ANKRD6: variants seen among roughly 807,000 people sequenced by gnomAD.
ANKRD6 encodes ankyrin repeat domain-containing protein 6.
Under a neutral mutation model 82.3 loss-of-function variants are expected in ANKRD6, and 56 were observed. The ratio of observed to expected loss-of-function variants is 0.68; its 90% CI spans 0.55 to 0.85. ANKRD6 has a LOEUF of 0.85. ANKRD6 is among the 40% of genes least tolerant of loss of function. The probability of loss-of-function intolerance (pLI) is 0.00; values close to 1 mark genes in which losing one functional copy is unlikely to be tolerated. For synonymous variants in ANKRD6, 347 were observed against 352.1 expected (o/e 0.99, Z 0.16); for missense variants, 852 against 907.6 (o/e 0.94, Z 0.79).
intron 9 of ANKRD6, chr6:89,619,539 C>T (rs940238184): frequency 1.3e-5 from 2 of 152,192 alleles, no homozygotes; most frequent in African/African-American, 4.8e-5. Context: ...GACCATTTCC[C>T]TGTGCAGTTC....
At chr6:89,448,054 ACT>A (rs1772326599) in intron 1 of ANKRD6, among the ~76,000 whole-genome samples, 1 of 151,494 alleles carries the variant, frequency 6.6e-6, no homozygotes, top group Admixed American at 6.6e-5. Flanking sequence ...GAATAGGCCG[ACT>A]CTGGTTAGGA....
At chr6:89,491,644 G>C (rs1025164109) in intron 1 of ANKRD6, among the ~76,000 whole-genome samples, 4 of 151,972 alleles carry the variant, frequency 2.6e-5, no homozygotes, top group South Asian at 2.1e-4. Context: ...GTCATGGGGT[G>C]GGGGGAGGCG....
chr6:89,594,561 G>T lies in ANKRD6; in HGVS notation c.121-1355G>T, dbSNP rs189860893. ...ATATAATGAAAAGCAAAGGAGTGAT[G>T]AATACCAAATTTGAGAGAGTGGTTA... is the stretch of plus-strand genomic sequence containing the variant. On this transcript the variant is annotated intron_variant, in intron 2 of 15. Coordinates refer to ENST00000339746, the MANE Select transcript of ANKRD6 (RefSeq NM_001242809.2). 4.1e-4 allele frequency among the ~76,000 whole-genome samples: 63 copies of T among 152,290 alleles called. 1 individual carries two copies. The highest frequency in any genetic ancestry group is 7.4e-4 in the Non-Finnish European group (50 of 68,024).
At chr6:89,588,283 T>G (rs1168820642) in intron 2 of ANKRD6, among the ~76,000 whole-genome samples, 1 of 152,250 alleles carries the variant, frequency 6.6e-6, no homozygotes, top group African/African-American at 2.4e-5. Flanking sequence ...CCATTCTGAA[T>G]ATCATGTTTG....
chr6:89,630,276 G>C (rs1244156074), intron 15 of ANKRD6, among the ~76,000 whole-genome samples, 157 bp from the exon 16 acceptor site: 1 of 152,218 alleles, frequency 6.6e-6, no homozygotes, highest in African/African-American at 2.4e-5. Context: ...GGAACAGAAA[G>C]GTGAGAAAAG....
At chr6:89,583,855 C>T (rs535860924) in intron 2 of ANKRD6, among the ~76,000 whole-genome samples, 2 of 152,334 alleles carry the variant, frequency 1.3e-5, no homozygotes, top group Admixed American at 1.3e-4. Context: ...TTGCCCCCTG[C>T]TTCTCTCCTC....
At chr6:89,525,293 CAAA>C (rs537500108) in intron 1 of ANKRD6, among the ~76,000 whole-genome samples, 4 of 130,136 alleles carry the variant, frequency 3.1e-5, no homozygotes, top group Non-Finnish European at 1.6e-5. Flanking sequence ...GATCCTATCT[CAAA>C]AAAAAAAAAA....
At chr6:89,466,510 A>G (rs1315883926) in intron 1 of ANKRD6, among the ~76,000 whole-genome samples, 1 of 152,220 alleles carries the variant, frequency 6.6e-6, no homozygotes, top group African/African-American at 2.4e-5. Context: ...CTTGATAGAT[A>G]AAAACATTTT....
intron 2 of ANKRD6, among the ~76,000 whole-genome samples, chr6:89,583,344 T>C (rs934590473): frequency 1.7e-4 from 26 of 152,202 alleles, no homozygotes; most frequent in Non-Finnish European, 8.8e-5. Context: ...GTCTCAAATA[T>C]GGGAAAGCAA....
intron 2 of ANKRD6, among the ~76,000 whole-genome samples, chr6:89,567,428 C>A (rs1788775070): frequency 6.6e-6 from 1 of 152,082 alleles, no homozygotes; most frequent in Non-Finnish European, 1.5e-5. Context: ...GATGGGCCTC[C>A]CGGGGAGGTG....
At chr6:89,582,791 A>G (rs1406552908) in intron 2 of ANKRD6, among the ~76,000 whole-genome samples, 1 of 152,192 alleles carries the variant, frequency 6.6e-6, no homozygotes, top group Non-Finnish European at 1.5e-5. Flanking sequence ...AGCCTCCTTG[A>G]GCCTTCATTT....
chr6:89,541,104 C>T (rs993082352), intron 1 of ANKRD6, among the ~76,000 whole-genome samples: 2 of 151,990 alleles, frequency 1.3e-5, no homozygotes, highest in Non-Finnish European at 2.9e-5. Flanking sequence ...GCATTGGCTA[C>T]TCTGGGTCTT....
chr6:89,480,196 T>A (rs1053153333), intron 1 of ANKRD6, among the ~76,000 whole-genome samples: 2 of 152,346 alleles, frequency 1.3e-5, no homozygotes, highest in East Asian at 1.9e-4. Context: ...AAGGTAACTA[T>A]CCCAGAAGAT....
intron 1 of ANKRD6, among the ~76,000 whole-genome samples, chr6:89,566,188 C>A (rs1280493635): frequency 1.3e-5 from 2 of 152,262 alleles, no homozygotes; most frequent in Admixed American, 6.5e-5. Flanking sequence ...TGTTTAGCAT[C>A]TGTGTTGTCC....
intron 1 of ANKRD6, among the ~76,000 whole-genome samples, chr6:89,493,450 C>T (rs1778243493): frequency 6.6e-6 from 1 of 152,060 alleles, no homozygotes; most frequent in African/African-American, 2.4e-5. Flanking sequence ...TGCTCTGTCA[C>T]CTAGTCTGGA....
chr6:89,453,640 C>T (rs1175328688), intron 1 of ANKRD6, among the ~76,000 whole-genome samples: 1 of 151,968 alleles, frequency 6.6e-6, no homozygotes, highest in African/African-American at 2.4e-5. Context: ...AGTGCTGTAG[C>T]GCAGTCTTGG....
chr6:89,544,143 T>G (rs989292200), intron 1 of ANKRD6, among the ~76,000 whole-genome samples: 1 of 150,482 alleles, frequency 6.6e-6, no homozygotes, highest in Non-Finnish European at 1.5e-5. Flanking sequence ...TGATCTTTCA[T>G]AAGAGATCCA....
At chr6:89,608,375 T>C (rs1485126354) in intron 5 of ANKRD6, among the ~76,000 whole-genome samples, 2 of 102,252 alleles carry the variant, frequency 2.0e-5, no homozygotes, top group Non-Finnish European at 4.1e-5. Flanking sequence ...ACACTATATA[T>C]ATATATATAT....
chr6:89,563,916 C>T (rs1056907349), intron 1 of ANKRD6, among the ~76,000 whole-genome samples: 2 of 152,106 alleles, frequency 1.3e-5, no homozygotes, highest in African/African-American at 4.8e-5. Context: ...CACCTGGTAT[C>T]TCTGCTGGGC....
Sources: gnomAD v4.1 joint callset for allele counts (sites outside exome capture counted in the v4.1 genomes callset) on GRCh38, gnomAD v4.1.1 for gene constraint, MANE v1.5 for transcripts, NCBI Gene and HGNC (gene_info 2026-07-23, HGNC 2026-07-21) for gene names.